NDUFAF7: variants seen among roughly 807,000 people sequenced by gnomAD.
The protein encoded by NDUFAF7 is protein arginine methyltransferase NDUFAF7, mitochondrial.
Under a neutral mutation model 47.2 loss-of-function variants are expected in NDUFAF7, and 48 were observed. The ratio of observed to expected loss-of-function variants is 1.02; its 90% CI spans 0.81 to 1.29. NDUFAF7 has a LOEUF of 1.29. NDUFAF7 is among the 50% of genes most tolerant of loss of function. NDUFAF7 has a pLI of 0.00. For missense variants in NDUFAF7, 635 were observed against 537.6 expected, an observed-to-expected ratio of 1.18 and a Z score of -1.79; for synonymous variants, 217 against 190.0, an observed-to-expected ratio of 1.14 and a Z score of -1.17.
intron 7 of NDUFAF7, among the ~76,000 whole-genome samples, chr2:37,245,515 C>A (rs959272830): frequency 1.3e-5 from 2 of 152,150 alleles, no homozygotes; most frequent in African/African-American, 4.8e-5. Context: ...AGTTTATAAG[C>A]CAGCGTTTCT....
the NDUFAF7 span, among the ~76,000 whole-genome samples, chr2:37,261,924 G>C: frequency 6.6e-6 from 1 of 151,752 alleles, no homozygotes; most frequent in Admixed American, 6.6e-5. Context: ...GTTTTTTTGA[G>C]TATTCATAAA....
chr2:37,263,164 T>A, the NDUFAF7 span, among the ~76,000 whole-genome samples: 122 of 152,314 alleles, frequency 8.0e-4, no homozygotes, highest in Non-Finnish European at 1.4e-3. Context: ...GCTTAATATT[T>A]GAGGTTATAA....
downstream of NDUFAF7, chr2:37,256,628 ATTTTTTTTTTTTTTTT>A (rs56389006): frequency 1.1e-3 from 1,358 of 1,202,276 alleles, 2 homozygotes; most frequent in Non-Finnish European, 1.4e-3. Context: ...CATAGCCAAA[ATTTTTTTTTTTTTTTT>A]TTTTTTTTTT....
the NDUFAF7 span, chr2:37,260,500 A>G: frequency 9.8e-6 from 9 of 920,348 alleles, no homozygotes; most frequent in African/African-American, 1.4e-4. Flanking sequence ...AGAAGTAAAC[A>G]AAGCAAACAA....
chr2:37,236,126 G>A lies in NDUFAF7; in HGVS notation c.247G>A (p.Glu83Lys), dbSNP rs750197551. 11 of 1,613,036 alleles carry A rather than the reference G, an allele frequency of 6.8e-6. No homozygotes were observed. Among genetic ancestry groups the A allele is most frequent in the African/African-American group, 4.0e-5 (3 of 74,846 alleles). ...GYYVYRDMLG[E>K]KGDFITSPEI... ...TTATGTGTACCGTGACATGCTAGGC[G>A]AAAAAGGAGATTTCATTACTTCACC... The change falls in exon 3 of 10, where the codon GAA becomes AAA. Residue 83 changes from glutamate to lysine, a missense_variant. Physicochemically the swap from Glu to Lys is moderately conservative, Grantham distance 56. Coordinates refer to ENST00000002125, the MANE Select transcript of NDUFAF7 (RefSeq NM_144736.5).
the NDUFAF7 span, among the ~76,000 whole-genome samples, chr2:37,264,994 G>GTA: frequency 6.6e-6 from 1 of 151,560 alleles, no homozygotes; most frequent in African/African-American, 2.4e-5. Flanking sequence ...GGCCAAAGCT[G>GTA]TAGTCTTAAT....
At chr2:37,236,282 A>G (rs1665745302) in intron 3 of NDUFAF7, 106 bp downstream of exon 3, 1 of 1,018,280 alleles carries the variant, frequency 9.8e-7, no homozygotes, top group Non-Finnish European at 1.5e-6. Context: ...GTGATTCATC[A>G]AAAGTTTTAA....
chr2:37,267,468 G>C, the NDUFAF7 span: 1 of 1,607,748 alleles, frequency 6.2e-7, no homozygotes, highest in East Asian at 2.2e-5. Flanking sequence ...TGACTTTCTT[G>C]TTTTGTGGGG....
intron 8 of NDUFAF7, among the ~76,000 whole-genome samples, chr2:37,246,435 A>T (rs575990273): frequency 7.2e-5 from 11 of 152,330 alleles, no homozygotes; most frequent in Admixed American, 4.6e-4. Flanking sequence ...TGTAGAACCT[A>T]TGTTTATATA....
At chr2:37,257,060 GATAAGGAAATTGTAAA>G (rs1448229232), downstream of NDUFAF7, 17 of 1,025,616 alleles carry the variant, frequency 1.7e-5, no homozygotes, top group South Asian at 4.8e-5. Context: ...ATTAATCACA[GATAAGGAAATTGTAAA>G]ATATCCTTTT....
chr2:37,246,980 G>A (rs75466205), intron 8 of NDUFAF7, among the ~76,000 whole-genome samples: 2,740 of 152,134 alleles, frequency 0.018, 84 homozygotes, highest in African/African-American at 0.063. Flanking sequence ...TTTGGGGTAC[G>A]AGTGAGCCTG....
chr2:37,238,428 T>C lies in NDUFAF7; in HGVS notation c.408+561T>C, dbSNP rs149949282. 4.2e-3 allele frequency among the ~76,000 whole-genome samples: 627 copies of C among 150,600 alleles called. 6 individuals carry two copies. Among genetic ancestry groups the C allele is most frequent in the African/African-American group, 0.014 (589 of 40,944 alleles). On this transcript the variant is annotated intron_variant, in intron 4 of 9. Transcript: ENST00000002125. Reference sequence around the variant, plus strand: ...ATTGCGCCATTGCACTCCAGCCTGGTGACAGAGCGAGACTCCGTCTCAAAA... The same window carrying C: ...ATTGCGCCATTGCACTCCAGCCTGGCGACAGAGCGAGACTCCGTCTCAAAA...
chr2:37,260,768 T>C, the NDUFAF7 span, among the ~76,000 whole-genome samples: 1 of 152,220 alleles, frequency 6.6e-6, no homozygotes, highest in African/African-American at 2.4e-5. Context: ...GGGGGCTGTA[T>C]TTGTGATGGT....
In NDUFAF7 at chr2:37,248,504, AC is replaced by A; in HGVS notation, c.*155del. ...TATATAATACAACCAACATTATAGA[AC>A]TTTTAGGGTTGTGACTGGCTTTGGT... On this transcript the variant is annotated 3_prime_UTR_variant, in exon 10 of 10. Transcript: ENST00000002125. 2.6e-6 allele frequency: 2 copies of A among 768,176 alleles called. No individual in the cohort carries two copies. Among genetic ancestry groups the A allele is most frequent in the Non-Finnish European group, 4.4e-6 (2 of 454,074 alleles). The allele number at this position is 768,176 out of a possible 1,614,324, so 47.6% of individuals were successfully genotyped here. A position where few individuals can be genotyped will look rare whatever the true frequency, so the allele number is the denominator to read the frequency against.
intron 8 of NDUFAF7, among the ~76,000 whole-genome samples, chr2:37,247,117 G>A (rs906776556): frequency 2.0e-5 from 3 of 150,974 alleles, no homozygotes; most frequent in African/African-American, 7.4e-5. Flanking sequence ...CCAGTGTTTA[G>A]CTCTAAGTGA....
the NDUFAF7 span, chr2:37,268,747 A>T: frequency 6.3e-6 from 1 of 157,586 alleles, no homozygotes; most frequent in African/African-American, 2.4e-5. Flanking sequence ...GGAGGCATGT[A>T]AACAGGACTG....
At chr2:37,242,787 C>T in intron 6 of NDUFAF7, 94 bp downstream of exon 6, 1 of 964,060 alleles carries the variant, frequency 1.0e-6, no homozygotes, top group Non-Finnish European at 1.6e-6. Flanking sequence ...ACAAATTTTA[C>T]TTGTTGAGGT....
rs1436783690 is a variant in NDUFAF7, at chr2:37,241,559, T to C, written c.409-19T>C. The stretch of plus-strand genomic sequence containing the variant: ...CCTACTTAACACATTGTATTTTTTT[T>C]TCTTCTTTTGGTATTTAGGTGTTCA... On this transcript the variant is annotated intron_variant, in intron 4 of 9. Transcript: ENST00000002125. 1 of 1,590,446 alleles carries C rather than the reference T, an allele frequency of 6.3e-7. No individual in the cohort carries two copies. The highest frequency in any genetic ancestry group is 1.7e-5 in the Admixed American group (1 of 59,202).
At chr2:37,268,184 C>T in the NDUFAF7 span, 5 of 376,888 alleles carry the variant, frequency 1.3e-5, no homozygotes, top group Middle Eastern at 3.7e-4. Context: ...ATCTGACTTG[C>T]TCTTCTCTAC....
Sources: allele counts gnomAD v4.1 joint callset (sites outside exome capture counted in the v4.1 genomes callset), GRCh38; gene constraint gnomAD v4.1.1; transcripts MANE v1.5; gene names NCBI Gene and HGNC (gene_info 2026-07-23, HGNC 2026-07-21).